ECE2: variants seen among roughly 807,000 people sequenced by gnomAD.
ECE2 encodes the protein endothelin-converting enzyme 2.
In ECE2, 81 loss-of-function variants were observed where a neutral mutation model predicts 100.6. The observed-to-expected ratio is 0.81, with a 90% confidence interval of 0.67 to 0.97. ECE2 has a LOEUF of 0.97. Ranked by LOEUF, ECE2 falls within the 50% of genes least tolerant of loss-of-function variation. ECE2 has a pLI of 0.00. For synonymous variants in ECE2, 391 were observed against 391.5 expected, an observed-to-expected ratio of 1.00 and a Z score of 0.02; for missense variants, 911 against 988.1, an observed-to-expected ratio of 0.92 and a Z score of 1.05.
intron 16 of ECE2, 79 bp downstream of exon 16, chr3:184,290,939 C>G: frequency 6.2e-7 from 1 of 1,604,982 alleles, no homozygotes; most frequent in Non-Finnish European, 8.5e-7. Flanking sequence ...TGATGTAGCC[C>G]CAAGGGCCCT....
At chr3:184,284,027 C>T (rs1458214072) in intron 8 of ECE2, 54 bp downstream of exon 8, 2 of 1,592,974 alleles carry the variant, frequency 1.3e-6, no homozygotes, top group African/African-American at 1.3e-5. Flanking sequence ...TTGGCATGGA[C>T]CACCCAGCTT....
At position 184,291,210 on chromosome 3, in the gene ECE2, G is replaced by A; in HGVS notation, c.2005G>A (p.Gly669Arg). The A allele has an allele frequency of 6.2e-7, 1 of 1,612,722 alleles. No homozygotes were observed. The highest frequency in any genetic ancestry group is 8.5e-7 in the Non-Finnish European group (1 of 1,179,380). The change falls in exon 17 of 19, where the codon GGG becomes AGG. Residue 669 changes from glycine to arginine, a missense_variant. By Grantham distance (125) the Gly-to-Arg change is moderately radical. Coordinates refer to ENST00000404464, the MANE Select transcript of ECE2 (RefSeq NM_001100121.2). The surrounding 1 kb of genome is among the most constrained non-coding windows in gnomAD (Gnocchi z 4.1). ...GGGGGAGAACATTGCTGACAACGGG[G>A]GGCTGAAGGCTGCCTACAATGTGAG... ...TLGENIADNGGLKAAYNAYKA... is the reference protein window; with the variant it reads ...TLGENIADNGRLKAAYNAYKA...
At chr3:184,284,303 G>T (rs977087380) in intron 8 of ECE2, among the ~76,000 whole-genome samples, 1 of 152,128 alleles carries the variant, frequency 6.6e-6, no homozygotes, top group Non-Finnish European at 1.5e-5. Context: ...AGCACTTTGG[G>T]AGGCCGAGGC....
chr3:184,288,706 T>C (rs533875136), intron 11 of ECE2, among the ~76,000 whole-genome samples: 2 of 152,324 alleles, frequency 1.3e-5, no homozygotes, highest in East Asian at 1.9e-4. Flanking sequence ...TAATTCCATA[T>C]TTTATATGCA....
In ECE2 at chr3:184,290,877, T is replaced by C. The variant is rs564294286; in HGVS notation, c.1834+17T>C. The C allele has an allele frequency of 9.3e-6, 15 of 1,613,554 alleles. 1 individual carries two copies. The South Asian group carries it at 1.2e-4, about 13-fold the overall frequency. On this transcript the variant is annotated intron_variant, in intron 16 of 18. Transcript: ENST00000404464. Reference sequence around the variant, plus strand: ...ATGACCAAGGTAGGGGCCCATGGAGTCGTCCCCTCTAGCCTAGAATTCCCA... The same window carrying C: ...ATGACCAAGGTAGGGGCCCATGGAGCCGTCCCCTCTAGCCTAGAATTCCCA...
At chr3:184,278,736 TTTCCTTCC>T in intron 7 of ECE2, 179 bp downstream of exon 7, 1 of 636,086 alleles carries the variant, frequency 1.6e-6, no homozygotes, top group Non-Finnish European at 2.7e-6. Context: ...TTCTTCCCCT[TTTCCTTCC>T]TTCCTTCCTC....
intron 7 of ECE2, chr3:184,278,870 T>C (rs1720693433): frequency 2.6e-6 from 1 of 378,766 alleles, no homozygotes; most frequent in Non-Finnish European, 4.8e-6. Context: ...GATGGGTTCA[T>C]GGACCTAGAT....
chr3:184,283,682 G>C lies in ECE2; in HGVS notation c.817-103G>C, dbSNP rs1275042480. On this transcript the variant is annotated intron_variant, in intron 7 of 18. Coordinates refer to ENST00000404464, the MANE Select transcript of ECE2 (RefSeq NM_001100121.2). Reference sequence around the variant, plus strand: ...AGGTCATCCAGAAAGGCTTCCAGAAGGATCAAGCAGAAGAGATATTGGGCA... The same window carrying C: ...AGGTCATCCAGAAAGGCTTCCAGAACGATCAAGCAGAAGAGATATTGGGCA... 6.5e-6 allele frequency: 8 copies of C among 1,230,532 alleles called. No homozygotes were observed. The African/African-American group carries it at 1.2e-4, about 19-fold the overall frequency. The allele number at this position is 1,230,532 out of a possible 1,614,324, so 76.2% of individuals were successfully genotyped here.
chr3:184,280,005 A>C (rs979588813), intron 7 of ECE2, among the ~76,000 whole-genome samples: 3 of 151,928 alleles, frequency 2.0e-5, no homozygotes, highest in African/African-American at 7.3e-5. Context: ...TGGCAGAAGG[A>C]ATGGTAGGAA....
chr3:184,283,949 C>A lies in ECE2; in HGVS notation c.981C>A (p.His327Gln). The change falls in exon 8 of 19, where the codon CAC becomes CAA. Residue 327 changes from histidine to glutamine, a missense_variant. By Grantham distance (24) the His-to-Gln change is conservative. Coordinates refer to ENST00000404464, the MANE Select transcript of ECE2 (RefSeq NM_001100121.2). Reference sequence around the variant, plus strand: ...GGCGCGACGAGGAGAAGATCTACCACAAGATGAGCATTTCGGAGCTGCAGG... The same window carrying A: ...GGCGCGACGAGGAGAAGATCTACCAAAAGATGAGCATTTCGGAGCTGCAGG... The part of the protein sequence containing the change: ...DQRRDEEKIY[H>Q]KMSISELQAL... 6.2e-7 allele frequency: 1 copy of A among 1,613,964 alleles called. No homozygotes were observed. Among genetic ancestry groups the A allele is most frequent in the Non-Finnish European group, 8.5e-7 (1 of 1,179,996 alleles).
rs762135546 is a variant in ECE2 at position 184,289,717 on chromosome 3, G to A, written c.1550G>A (p.Gly517Glu). Residue 517 changes from glycine to glutamate, a missense_variant and splice_region_variant, in exon 13 of 19, where the codon GGG (glycine) becomes GAG (glutamate). Physicochemically the swap from Gly to Glu is moderately conservative, Grantham distance 98. Transcript: ENST00000404464. The surrounding 1 kb of genome is among the most constrained non-coding windows in gnomAD (Gnocchi z 4.1). ...EPKELDDVYD[G>E]YEISEDSFFQ... Reference sequence around the variant, plus strand: ...AAAGAGCTGGATGATGTTTATGACGGGGTGAGTACCTACGCTCATCAGTAC... The same window carrying A: ...AAAGAGCTGGATGATGTTTATGACGAGGTGAGTACCTACGCTCATCAGTAC... The A allele has an allele frequency of 2.1e-5, 34 of 1,611,340 alleles. No individual in the cohort carries two copies. The highest frequency in any genetic ancestry group is 2.6e-5 in the Non-Finnish European group (31 of 1,178,674).
At chr3:184,277,138 C>T (rs1305061045) in intron 3 of ECE2, 111 bp downstream of exon 3, 16 of 1,595,394 alleles carry the variant, frequency 1.0e-5, no homozygotes, top group South Asian at 2.2e-5. Context: ...GAAAAGCCCC[C>T]GGCTTTGCTT....
rs1721267929 is a variant in ECE2, at chr3:184,290,637, AG to A, written c.1738del (p.Ala580ProfsTer12). The A allele has an allele frequency of 6.2e-7, 1 of 1,614,072 alleles. No homozygotes were observed. The highest frequency in any genetic ancestry group is 1.3e-5 in the African/African-American group (1 of 74,930). Reference protein sequence around the residue: ...NEIVFPAGILQAPFYARNHPK... With the variant: ...NEIVFPAGILXAPFYARNHPK... ...ATCGTCTTCCCCGCTGGCATCCTGC[AG>A]GCCCCCTTCTATGCCCGCAACCACC... is the stretch of plus-strand genomic sequence containing the variant. On this transcript the variant is annotated frameshift_variant, in exon 15 of 19. Coordinates refer to ENST00000404464, the MANE Select transcript of ECE2 (RefSeq NM_001100121.2). LOFTEE classifies it high-confidence loss of function.
At chr3:184,288,225 A>G (rs980098971) in intron 11 of ECE2, among the ~76,000 whole-genome samples, 2 of 148,278 alleles carry the variant, frequency 1.3e-5, no homozygotes, top group Non-Finnish European at 3.0e-5. Flanking sequence ...CAGGAGAATC[A>G]CTTGAACCCA....
intron 7 of ECE2, among the ~76,000 whole-genome samples, chr3:184,280,836 C>T (rs1720787179): frequency 2.0e-5 from 3 of 151,786 alleles, no homozygotes; most frequent in African/African-American, 4.8e-5. Flanking sequence ...AAAATTAGCC[C>T]GACGTGGTGG....
rs1464592311 is a variant in ECE2, at chr3:184,289,950, C to A, written c.1551+232C>A. On this transcript the variant is annotated intron_variant, in intron 13 of 18. Coordinates refer to ENST00000404464, the MANE Select transcript of ECE2 (RefSeq NM_001100121.2). The surrounding 1 kb of genome is among the most constrained non-coding windows in gnomAD (Gnocchi z 4.1). The stretch of plus-strand genomic sequence containing the variant: ...ATTTGGAGTCAAGCCTAATCAAATT[C>A]TGTTTCTACCTCTAACTTTGTAACC... Among the ~76,000 whole-genome samples the A allele has an allele frequency of 1.3e-5, 2 of 152,186 alleles. No individual in the cohort carries two copies. Among genetic ancestry groups the A allele is most frequent in the African/African-American group, 4.8e-5 (2 of 41,440 alleles).
Position 184,292,412 on chromosome 3 carries a change from C to A in ECE2, c.*174C>A. ...CCTCAATCACCACATTGTGCCTCTG[C>A]TTTGGGGGTGCCCCTGCCTCCAGCA... On this transcript the variant is annotated 3_prime_UTR_variant, in exon 19 of 19. Coordinates refer to ENST00000404464, the MANE Select transcript of ECE2 (RefSeq NM_001100121.2). 1.4e-6 allele frequency: 1 copy of A among 712,150 alleles called. No individual in the cohort carries two copies. Among genetic ancestry groups the A allele is most frequent in the Non-Finnish European group, 2.3e-6 (1 of 435,272 alleles). The allele number at this position is 712,150 out of a possible 1,614,324, so 44.1% of individuals were successfully genotyped here. A position where few individuals can be genotyped will look rare whatever the true frequency, so the allele number is the denominator to read the frequency against.
chr3:184,276,631 A>G, intron 2 of ECE2, 64 bp downstream of exon 2: 1 of 1,583,822 alleles, frequency 6.3e-7, no homozygotes, highest in Non-Finnish European at 8.6e-7. Context: ...TGGCACACCC[A>G]GGAGCTCTGG....
rs1408051955 is a variant in ECE2 at position 184,277,963 on chromosome 3, A to C, written c.517A>C (p.Lys173Gln). ...TFNSSSEAEQ[K>Q]TQRFYLSCLQ... ...CAACTCCAGCAGTGAAGCTGAGCAG[A>C]AGACACAGCGCTTCTACCTATCTTG... The change falls in exon 5 of 19, where the codon AAG (lysine) becomes CAG (glutamine). Residue 173 changes from lysine (K) to glutamine (Q), a missense_variant. By Grantham distance (53) the Lys-to-Gln change is moderately conservative (BLOSUM62 1). Transcript: ENST00000404464. The C allele has an allele frequency of 1.5e-5, 25 of 1,613,364 alleles. No homozygotes were observed. The highest frequency in any genetic ancestry group is 2.0e-5 in the Non-Finnish European group (24 of 1,180,018).
Sources: gnomAD v4.1 joint callset for allele counts (sites outside exome capture counted in the v4.1 genomes callset) on GRCh38, gnomAD v4.1.1 for gene constraint, Gnocchi (gnomAD v3.1) non-coding constraint, MANE v1.5 for transcripts, NCBI Gene and HGNC (gene_info 2026-07-23, HGNC 2026-07-21) for gene names.